The following SEMA6D variants were observed in gnomAD, a reference collection of about 807,000 sequenced individuals.
SEMA6D encodes the protein semaphorin 6D, also known as semaphorin-6D.
In SEMA6D, 35 loss-of-function variants were observed where a neutral mutation model predicts 106.6. That is an observed-to-expected ratio of 0.33 (90% CI 0.25 to 0.44). The LOEUF is 0.44. Among genes scored for constraint, SEMA6D ranks in the 20% least tolerant of loss-of-function variants. SEMA6D has a pLI of 1.00. For synonymous variants in SEMA6D, 499 were observed against 487.7 expected, an observed-to-expected ratio of 1.02 and a Z score of -0.31; for missense variants, 1,185 against 1,345.9, an observed-to-expected ratio of 0.88 and a Z score of 1.87.
intron 1 of SEMA6D, among the ~76,000 whole-genome samples, chr15:47,370,438 G>A (rs565118931): frequency 1.4e-4 from 21 of 152,030 alleles, no homozygotes; most frequent in Admixed American, 7.2e-4. Context: ...TGGCTTGAGC[G>A]TGGGAGGCAG....
intron 3 of SEMA6D, among the ~76,000 whole-genome samples, chr15:47,760,763 G>A (rs1452172165): frequency 6.6e-6 from 1 of 152,116 alleles, no homozygotes; most frequent in Non-Finnish European, 1.5e-5. Context: ...TTTGACCCAT[G>A]CCTGGAGAGA....
At chr15:47,268,336 T>G (rs901914852) in intron 1 of SEMA6D, among the ~76,000 whole-genome samples, 3 of 152,152 alleles carry the variant, frequency 2.0e-5, no homozygotes, top group Non-Finnish European at 2.9e-5. Context: ...CTTTTTGTCC[T>G]TTTTATTATT....
At chr15:47,303,168 G>C (rs114417941) in intron 1 of SEMA6D, among the ~76,000 whole-genome samples, 1 of 152,180 alleles carries the variant, frequency 6.6e-6, no homozygotes, top group African/African-American at 2.4e-5. Flanking sequence ...CTAAAGATAC[G>C]TAGAAACAGA....
intron 1 of SEMA6D, among the ~76,000 whole-genome samples, chr15:47,736,379 A>G (rs1461007357): frequency 1.3e-5 from 2 of 152,242 alleles, no homozygotes; most frequent in Non-Finnish European, 2.9e-5. Flanking sequence ...TGATTATCTT[A>G]CGACTGAGAA....
At chr15:47,206,964 A>G (rs1411712590) in intron 1 of SEMA6D, among the ~76,000 whole-genome samples, 1 of 152,148 alleles carries the variant, frequency 6.6e-6, no homozygotes, top group East Asian at 1.9e-4. Context: ...AACAAATAAG[A>G]GAGAGAAAAA....
chr15:47,311,722 A>G (rs1345647141), intron 1 of SEMA6D, among the ~76,000 whole-genome samples: 1 of 152,196 alleles, frequency 6.6e-6, no homozygotes, highest in Non-Finnish European at 1.5e-5. Flanking sequence ...TTTTTCTTCC[A>G]CACAGCAGTT....
chr15:47,632,427 A>G (rs2077309363), intron 4 of SEMA6D, among the ~76,000 whole-genome samples: 1 of 148,602 alleles, frequency 6.7e-6, no homozygotes, highest in African/African-American at 2.4e-5. Context: ...ATAATTGTGC[A>G]TTTGTTTATT....
At chr15:47,193,779 C>T (rs1218185530) in intron 1 of SEMA6D, among the ~76,000 whole-genome samples, 1 of 152,112 alleles carries the variant, frequency 6.6e-6, no homozygotes, top group Non-Finnish European at 1.5e-5. Context: ...ATGTCTCTAG[C>T]TCTGCCTTCT....
chr15:47,728,468 T>C (rs1283503900), intron 1 of SEMA6D, among the ~76,000 whole-genome samples: 1 of 152,362 alleles, frequency 6.6e-6, no homozygotes. Flanking sequence ...TGCCAAGCAC[T>C]GAAGTTTTGT....
rs1364345145 is a variant in SEMA6D, at chr15:47,764,739, A to T, written c.1199A>T (p.Asp400Val). 6.2e-7 allele frequency: 1 copy of T among 1,613,852 alleles called. No homozygotes were observed. The highest frequency in any genetic ancestry group is 2.2e-5 in the East Asian group (1 of 44,836). The change falls in exon 12 of 19, where the codon GAC becomes GTC. Residue 400 changes from aspartate (D) to valine (V), a missense_variant. Physicochemically the swap from Asp to Val is radical, Grantham distance 152. Coordinates refer to ENST00000536845, the MANE Select transcript of SEMA6D (RefSeq NM_001358351.3). Reference protein sequence around the residue: ...LSFIKSHPLMDSAVPPIADEP... With the variant: ...LSFIKSHPLMVSAVPPIADEP... ...TTCATCAAATCTCATCCCCTGATGG[A>T]CTCTGCCGTTCCACCCATTGCCGAT...
intron 1 of SEMA6D, among the ~76,000 whole-genome samples, chr15:47,354,497 T>TTATA (rs368121186): frequency 0.016 from 2,303 of 145,450 alleles, 51 homozygotes; most frequent in African/African-American, 0.052. Context: ...AAGAACTAAG[T>TTATA]TATATATATA....
intron 3 of SEMA6D, among the ~76,000 whole-genome samples, chr15:47,517,970 C>T (rs535506088): frequency 1.3e-5 from 2 of 152,162 alleles, no homozygotes; most frequent in Non-Finnish European, 2.9e-5. Flanking sequence ...AGCTGGGCCA[C>T]ACCAACTTAT....
chr15:47,425,672 CTTT>C (rs750135945), intron 2 of SEMA6D, among the ~76,000 whole-genome samples: 9 of 136,622 alleles, frequency 6.6e-5, no homozygotes, highest in Admixed American at 7.3e-5. Flanking sequence ...AAGATACTTT[CTTT>C]TTTTTTTTTT....
At chr15:47,313,577 T>C (rs1422064815) in intron 1 of SEMA6D, among the ~76,000 whole-genome samples, 2 of 152,128 alleles carry the variant, frequency 1.3e-5, no homozygotes, top group Non-Finnish European at 2.9e-5. Context: ...TTTATTTGTT[T>C]ATTTAAAGCC....
At chr15:47,342,017 T>C (rs201038668) in intron 1 of SEMA6D, among the ~76,000 whole-genome samples, 1 of 148,144 alleles carries the variant, frequency 6.8e-6, no homozygotes, top group African/African-American at 2.5e-5. Context: ...TTTTTTTTTT[T>C]CCTTTTTTTC....
chr15:47,713,909 C>G (rs2079064564), upstream of SEMA6D, among the ~76,000 whole-genome samples: 2 of 152,190 alleles, frequency 1.3e-5, no homozygotes, highest in African/African-American at 4.8e-5. Context: ...AAATTCAATT[C>G]TGCAGGATTC....
At chr15:47,386,912 G>C (rs1020811860) in intron 1 of SEMA6D, among the ~76,000 whole-genome samples, 9 of 152,354 alleles carry the variant, frequency 5.9e-5, no homozygotes, top group African/African-American at 2.2e-4. Flanking sequence ...AAATGCAATA[G>C]GGGTAAGGGA....
intron 3 of SEMA6D, among the ~76,000 whole-genome samples, chr15:47,589,744 G>T (rs1357250433): frequency 6.6e-6 from 1 of 152,232 alleles, no homozygotes; most frequent in African/African-American, 2.4e-5. Context: ...CCACTGGATT[G>T]AACACCAGGA....
chr15:47,545,051 C>A (rs2045475852), intron 3 of SEMA6D, among the ~76,000 whole-genome samples: 1 of 152,000 alleles, frequency 6.6e-6, no homozygotes, highest in African/African-American at 2.4e-5. Context: ...GGTTTCTTTG[C>A]AAGATGGCAT....
Sources: gnomAD v4.1 joint callset for allele counts (sites outside exome capture counted in the v4.1 genomes callset) on GRCh38, gnomAD v4.1.1 for gene constraint, MANE v1.5 for transcripts, NCBI Gene and HGNC (gene_info 2026-07-23, HGNC 2026-07-21) for gene names.